RASA2: variants seen among roughly 807,000 people sequenced by gnomAD.
RASA2 encodes the protein RAS p21 protein activator 2.
Under a neutral mutation model 118.2 loss-of-function variants are expected in RASA2, and 155 were observed. That is an observed-to-expected ratio of 1.31 (90% CI 1.15 to 1.50). RASA2 has a LOEUF of 1.50. Among genes scored for constraint, RASA2 ranks in the 40% most tolerant of loss-of-function variants. The pLI is 0.00. For missense variants in RASA2, 1,016 were observed against 1,009.6 expected (o/e 1.01, Z -0.09); for synonymous variants, 353 against 349.1 (o/e 1.01, Z -0.12).
At chr3:141,578,719 A>G (rs2083053278) in intron 15 of RASA2, 1 of 152,208 alleles carries the variant, frequency 6.6e-6, no homozygotes, top group South Asian at 2.1e-4. Context: ...TGGTAGCAAC[A>G]TTCTGGACAT....
intron 19 of RASA2, among the ~76,000 whole-genome samples, chr3:141,598,215 G>A (rs1309282914): frequency 6.6e-6 from 1 of 152,016 alleles, no homozygotes; most frequent in Non-Finnish European, 1.5e-5. Flanking sequence ...CATAACTCTA[G>A]TACTAAAACT....
chr3:141,571,308 T>A, intron 10 of RASA2, 98 bp from the exon 11 acceptor site: 1 of 1,472,142 alleles, frequency 6.8e-7, no homozygotes, highest in South Asian at 1.3e-5. Context: ...TATAACAGCT[T>A]TAGTGACATT....
chr3:141,496,205 C>T (rs111472021), intron 1 of RASA2, among the ~76,000 whole-genome samples: 8 of 152,178 alleles, frequency 5.3e-5, no homozygotes, highest in East Asian at 1.9e-4. Context: ...GACCTAAAAC[C>T]GTAAAAACCC....
chr3:141,550,446 T>C (rs1028463479), intron 5 of RASA2, among the ~76,000 whole-genome samples: 2 of 152,196 alleles, frequency 1.3e-5, no homozygotes, highest in African/African-American at 4.8e-5. Flanking sequence ...ACATGACAAC[T>C]AAATGCACTA....
chr3:141,498,024 A>G (rs1194136757), intron 1 of RASA2, among the ~76,000 whole-genome samples: 1 of 152,224 alleles, frequency 6.6e-6, no homozygotes, highest in African/African-American at 2.4e-5. Context: ...ATCCTTTAAA[A>G]TATGACATTT....
chr3:141,530,007 A>G (rs1486955144), intron 4 of RASA2, among the ~76,000 whole-genome samples: 1 of 152,160 alleles, frequency 6.6e-6, no homozygotes, highest in Non-Finnish European at 1.5e-5. Context: ...GTATATGCAT[A>G]TGTGTAGATT....
At chr3:141,518,175 T>C (rs967083505) in intron 3 of RASA2, among the ~76,000 whole-genome samples, 1 of 151,836 alleles carries the variant, frequency 6.6e-6, no homozygotes, top group Admixed American at 6.6e-5. Flanking sequence ...TGGTCAAGTC[T>C]CCTACAGCTT....
At chr3:141,527,361 C>G (rs2082199771) in intron 3 of RASA2, among the ~76,000 whole-genome samples, 1 of 152,082 alleles carries the variant, frequency 6.6e-6, no homozygotes, top group Admixed American at 6.5e-5. Flanking sequence ...AGTAAACTCT[C>G]TTAAAATTTT....
intron 15 of RASA2, among the ~76,000 whole-genome samples, chr3:141,580,107 T>A (rs1393859525): frequency 2.3e-5 from 3 of 131,650 alleles, no homozygotes; most frequent in African/African-American, 8.6e-5. Context: ...TATATATATA[T>A]ATATATATAT....
intron 15 of RASA2, among the ~76,000 whole-genome samples, chr3:141,577,873 C>T (rs910271561): frequency 2.6e-5 from 4 of 152,090 alleles, no homozygotes; most frequent in African/African-American, 9.7e-5. Flanking sequence ...AAATCTAAAT[C>T]TCCACTGCAT....
chr3:141,556,027 C>G (rs1318690989), intron 7 of RASA2, 115 bp downstream of exon 7: 3 of 782,874 alleles, frequency 3.8e-6, no homozygotes, highest in Non-Finnish European at 6.1e-6. Context: ...TGCAGATAAG[C>G]ATTTCTCTCC....
At position 141,512,277 on chromosome 3, in the gene RASA2, T is replaced by G; in HGVS notation, c.248T>G (p.Leu83Ter). The stretch of plus-strand genomic sequence containing the variant: ...CGTACCCAAGTTGTGGAAAAATCTT[T>G]AAGGTTGGTAGAAAAAATTGGTAAA... ...VYRTQVVEKS[L>*]SPFFSEEFYF... The change falls in exon 2 of 24, where the codon TTA becomes TGA. Residue 83 changes from leucine (L) to a stop codon, truncating the protein, a stop_gained. Coordinates refer to ENST00000286364, the MANE Select transcript of RASA2 (RefSeq NM_006506.5). LOFTEE classifies it high-confidence loss of function. 1 of 1,565,164 alleles carries G rather than the reference T, an allele frequency of 6.4e-7. No individual in the cohort carries two copies. The highest frequency in any genetic ancestry group is 1.2e-5 in the South Asian group (1 of 84,632).
chr3:141,559,850 T>A, intron 8 of RASA2, 44 bp from the exon 9 acceptor site: 1 of 1,521,310 alleles, frequency 6.6e-7, no homozygotes, highest in Non-Finnish European at 9.1e-7. Flanking sequence ...GTGAACTCTC[T>A]TAAACATTGT....
intron 6 of RASA2, among the ~76,000 whole-genome samples, chr3:141,555,512 C>G (rs2151115338): frequency 6.6e-6 from 1 of 151,824 alleles, no homozygotes; most frequent in East Asian, 1.9e-4. Context: ...GATGAAGGTG[C>G]TCTAAATCTT....
intron 3 of RASA2, among the ~76,000 whole-genome samples, chr3:141,521,010 T>G (rs1475954475): frequency 6.6e-6 from 1 of 152,176 alleles, no homozygotes; most frequent in Non-Finnish European, 1.5e-5. Context: ...GTCATTAAAT[T>G]AGATAAAGAA....
In RASA2 at chr3:141,571,466, G is replaced by GT; in HGVS notation, c.1085dup (p.Leu362PhefsTer11). ...AATATGTCGAGATAAAAATGATGCTGTTTTGCCCCTTGTACGACTGCTGCT... is the reference window on the plus strand; with the variant it reads ...AATATGTCGAGATAAAAATGATGCTGTTTTTGCCCCTTGTACGACTGCTGCT... On this transcript the variant is annotated frameshift_variant, in exon 11 of 24. Coordinates refer to ENST00000286364, the MANE Select transcript of RASA2 (RefSeq NM_006506.5). LOFTEE classifies it high-confidence loss of function. 1 of 1,613,610 alleles carries GT rather than the reference G, an allele frequency of 6.2e-7. No individual in the cohort carries two copies. The highest frequency in any genetic ancestry group is 1.1e-5 in the South Asian group (1 of 91,026).
chr3:141,586,372 A>T (rs1560052312), intron 18 of RASA2, among the ~76,000 whole-genome samples: 3 of 152,146 alleles, frequency 2.0e-5, no homozygotes, highest in Admixed American at 6.5e-5. Flanking sequence ...ATTAGTCTTA[A>T]TGTAAAGTGT....
At chr3:141,531,936 A>C (rs2151096016) in intron 4 of RASA2, among the ~76,000 whole-genome samples, 1 of 152,200 alleles carries the variant, frequency 6.6e-6, no homozygotes, top group East Asian at 1.9e-4. Context: ...AAATTTGTTC[A>C]CTTCCATAAA....
chr3:141,514,553 A>C (rs1233299844), intron 2 of RASA2, among the ~76,000 whole-genome samples: 1 of 152,230 alleles, frequency 6.6e-6, no homozygotes, highest in African/African-American at 2.4e-5. Flanking sequence ...AAAGGCTGTC[A>C]GTACCAAGAT....
Sources: allele counts gnomAD v4.1 joint callset (sites outside exome capture counted in the v4.1 genomes callset), GRCh38; gene constraint gnomAD v4.1.1; transcripts MANE v1.5; gene names NCBI Gene and HGNC (gene_info 2026-07-23, HGNC 2026-07-21).